Variants in ZC3H12B observed in about 807,000 individuals in gnomAD.
ZC3H12B encodes probable ribonuclease ZC3H12B.
ZC3H12B carries 7 observed loss-of-function variants against 43.9 expected under a neutral mutation model. The ratio of observed to expected loss-of-function variants is 0.16; its 90% CI spans 0.09 to 0.30. The LOEUF is 0.30. Ranked by LOEUF, ZC3H12B falls within the 10% of genes least tolerant of loss-of-function variation. The pLI, the probability that ZC3H12B is intolerant of heterozygous loss-of-function variation, is 1.00. For missense variants in ZC3H12B, 475 were observed against 670.2 expected (o/e 0.71, Z 3.22); for synonymous variants, 222 against 241.7 (o/e 0.92, Z 0.76).
the ZC3H12B span, chrX:65,357,461 G>T: frequency 3.0e-5 from 4 of 132,800 alleles, no homozygotes; most frequent in African/African-American, 1.3e-4. Context: ...CTGGCAGCTC[G>T]GCTATGGCAG....
chrX:65,461,123 C>T (rs1297711949), intron 3 of ZC3H12B, among the ~76,000 whole-genome samples: 1 of 112,085 alleles, frequency 8.9e-6, no homozygotes, highest in African/African-American at 3.3e-5. Flanking sequence ...CATCACTGGC[C>T]AACAGAGAAA....
At chrX:65,178,812 G>A in the ZC3H12B span, among the ~76,000 whole-genome samples, 1 of 111,973 alleles carries the variant, frequency 8.9e-6, no homozygotes, top group South Asian at 3.7e-4. Flanking sequence ...CACTGTTGGT[G>A]GGAGTGTAAA....
the ZC3H12B span, among the ~76,000 whole-genome samples, chrX:65,160,505 G>A: frequency 3.6e-5 from 4 of 111,536 alleles, no homozygotes; most frequent in East Asian, 5.7e-4. Context: ...TGTATGTGTC[G>A]AGGAATTTAT....
chrX:65,045,224 C>CA, the ZC3H12B span, among the ~76,000 whole-genome samples: 1 of 110,793 alleles, frequency 9.0e-6, no homozygotes, highest in Non-Finnish European at 1.9e-5. Context: ...TAAAATAAGA[C>CA]AAAAAAGGAA....
chrX:65,322,940 A>C, the ZC3H12B span, among the ~76,000 whole-genome samples: 2 of 111,496 alleles, frequency 1.8e-5, no homozygotes, highest in African/African-American at 6.5e-5. Flanking sequence ...TTCAGTGTTA[A>C]ATTTATTTCT....
the ZC3H12B span, among the ~76,000 whole-genome samples, chrX:65,219,856 C>T: frequency 1.0e-5 from 1 of 95,295 alleles, no homozygotes; most frequent in African/African-American, 4.1e-5. Flanking sequence ...ACACACAAAA[C>T]ACCTGGGAAA....
At chrX:65,345,676 T>G in the ZC3H12B span, among the ~76,000 whole-genome samples, 2 of 111,212 alleles carry the variant, frequency 1.8e-5, no homozygotes, top group Non-Finnish European at 3.8e-5. Flanking sequence ...AATCTGCACA[T>G]GTACTCTGAC....
At chrX:65,436,211 A>G (rs753218710) in intron 3 of ZC3H12B, among the ~76,000 whole-genome samples, 4 of 111,955 alleles carry the variant, frequency 3.6e-5, no homozygotes, top group Non-Finnish European at 7.5e-5. Context: ...CTGTCACAAG[A>G]ACAGCAAGGG....
chrX:65,332,754 T>C, the ZC3H12B span, among the ~76,000 whole-genome samples: 1 of 111,680 alleles, frequency 9.0e-6, no homozygotes, highest in Admixed American at 9.5e-5. Context: ...TTGAAACCTG[T>C]TATTAGATAA....
chrX:65,373,719 C>T (rs1254064108), intron 2 of ZC3H12B, among the ~76,000 whole-genome samples: 2 of 83,643 alleles, frequency 2.4e-5, no homozygotes, highest in African/African-American at 4.7e-5. Flanking sequence ...GGAAGGGGAA[C>T]ATCACACACC....
At chrX:65,070,963 T>A in the ZC3H12B span, among the ~76,000 whole-genome samples, 2 of 109,313 alleles carry the variant, frequency 1.8e-5, no homozygotes, top group Non-Finnish European at 3.8e-5. Flanking sequence ...GTGTTTTAGG[T>A]CCATTTGGTC....
chrX:65,234,895 T>C, the ZC3H12B span, among the ~76,000 whole-genome samples: 8 of 111,729 alleles, frequency 7.2e-5, no homozygotes, highest in Admixed American at 6.7e-4. Flanking sequence ...TTCCTCCCTA[T>C]GTGTTCTGAT....
At chrX:65,230,209 A>G in the ZC3H12B span, among the ~76,000 whole-genome samples, 2 of 111,811 alleles carry the variant, frequency 1.8e-5, no homozygotes, top group Admixed American at 9.5e-5. Flanking sequence ...GTAGCCATAA[A>G]AAATGATGAG....
the ZC3H12B span, among the ~76,000 whole-genome samples, chrX:65,055,307 T>A: frequency 2.3e-3 from 260 of 111,899 alleles, 2 homozygotes; most frequent in African/African-American, 8.1e-3. Flanking sequence ...GGCTGTTGAA[T>A]TTTGTCAAAG....
At chrX:65,099,845 C>G in the ZC3H12B span, among the ~76,000 whole-genome samples, 1 of 111,551 alleles carries the variant, frequency 9.0e-6, no homozygotes, top group Non-Finnish European at 1.9e-5. Flanking sequence ...GATTGCAACT[C>G]ATCTCCAGCA....
chrX:65,098,592 G>C, the ZC3H12B span, among the ~76,000 whole-genome samples: 1 of 110,108 alleles, frequency 9.1e-6, no homozygotes, highest in South Asian at 3.9e-4. Flanking sequence ...TCAGCCCACA[G>C]AGGGCAAGCA....
chrX:65,336,326 G>C, the ZC3H12B span, among the ~76,000 whole-genome samples: 9 of 107,305 alleles, frequency 8.4e-5, no homozygotes, highest in African/African-American at 3.0e-4. Flanking sequence ...AACCCAGCCC[G>C]CTACACCATT....
the ZC3H12B span, among the ~76,000 whole-genome samples, chrX:65,097,531 G>C: frequency 1.8e-5 from 2 of 111,470 alleles, no homozygotes; most frequent in Non-Finnish European, 3.8e-5. Flanking sequence ...AGTCCTATCA[G>C]CCATTTTATG....
chrX:65,207,862 G>T, the ZC3H12B span, among the ~76,000 whole-genome samples: 173 of 35,217 alleles, frequency 4.9e-3, no homozygotes, highest in African/African-American at 0.019. Context: ...TTGAGCAGTG[G>T]TTTGTAGTTC....
Sources: allele counts gnomAD v4.1 joint callset (sites outside exome capture counted in the v4.1 genomes callset), GRCh38; gene constraint gnomAD v4.1.1; transcripts MANE v1.5; gene names NCBI Gene and HGNC (gene_info 2026-07-23, HGNC 2026-07-21).